Variants in KIF2A observed in about 807,000 individuals in gnomAD.
KIF2A encodes kinesin-like protein KIF2A.
KIF2A carries 22 observed loss-of-function variants against 100.2 expected under a neutral mutation model. That is an observed-to-expected ratio of 0.22 (90% CI 0.16 to 0.31). KIF2A has a LOEUF of 0.31. Among genes scored for constraint, KIF2A ranks in the 10% least tolerant of loss-of-function variants. The pLI is 1.00. For synonymous variants in KIF2A, 268 were observed against 285.9 expected (o/e 0.94, Z 0.63); for missense variants, 495 against 898.7 (o/e 0.55, Z 5.74).
intron 2 of KIF2A, 75 bp from the exon 3 acceptor site, chr5:62,347,973 T>A: frequency 6.7e-7 from 1 of 1,488,884 alleles, no homozygotes; most frequent in Non-Finnish European, 9.2e-7. Flanking sequence ...ATTTACTTCA[T>A]CAATTTACTT....
chr5:62,377,645 CTATTTT>C lies in KIF2A; in HGVS notation c.1912-9_1912-4del, dbSNP rs1451593608. 1 of 1,382,562 alleles carries C rather than the reference CTATTTT, an allele frequency of 7.2e-7. No individual in the cohort carries two copies. The highest frequency in any genetic ancestry group is 1.4e-5 in the South Asian group (1 of 72,940). The allele number at this position is 1,382,562 out of a possible 1,614,324, so 85.6% of individuals were successfully genotyped here. On this transcript the variant is annotated splice_polypyrimidine_tract_variant and intron_variant, in intron 18 of 20. Transcript: ENST00000407818. ...TACACACTATATCATAATTTCTTAA[CTATTTT>C]TATTTTAAGGAAGAAGAAGTCTCTC... is the stretch of plus-strand genomic sequence containing the variant.
At chr5:62,368,503 G>A (rs1053930746) in intron 16 of KIF2A, among the ~76,000 whole-genome samples, 7 of 152,064 alleles carry the variant, frequency 4.6e-5, no homozygotes, top group African/African-American at 9.7e-5. Flanking sequence ...AGGGCCAGGC[G>A]CGGTGGCTTA....
intron 16 of KIF2A, among the ~76,000 whole-genome samples, chr5:62,369,438 A>G (rs977332111): frequency 9.2e-5 from 14 of 152,220 alleles, no homozygotes; most frequent in Middle Eastern, 3.2e-3. Context: ...AGAACTCACT[A>G]TCACGAGAAC....
intron 19 of KIF2A, among the ~76,000 whole-genome samples, chr5:62,380,208 C>A (rs1741714079): frequency 6.6e-6 from 1 of 152,138 alleles, no homozygotes; most frequent in Non-Finnish European, 1.5e-5. Flanking sequence ...TTTATTATTA[C>A]CTCTTGGCCC....
rs1398039687 is a variant in KIF2A at position 62,361,271 on chromosome 5, T to C, written c.902T>C (p.Ile301Thr). Residue 301 changes from isoleucine to threonine, a missense_variant, in exon 10 of 21, where the codon ATA (isoleucine) becomes ACA (threonine). Around this residue, in one of 10 missense-constraint regions of KIF2A, gnomAD observed 109 missense variants for 244.2 expected, o/e 0.45. Coordinates refer to ENST00000407818, the MANE Select transcript of KIF2A (RefSeq NM_001098511.3). ...RFTARPLVET[I>T]FERGMATCFA... Reference sequence around the variant, plus strand: ...ACTGCTAGACCACTAGTGGAAACTATATTTGAAAGGGGAATGGCTACATGC... The same window carrying C: ...ACTGCTAGACCACTAGTGGAAACTACATTTGAAAGGGGAATGGCTACATGC... 3 of 1,606,636 alleles carry C rather than the reference T, an allele frequency of 1.9e-6. No individual in the cohort carries two copies. The highest frequency in any genetic ancestry group is 2.6e-6 in the Non-Finnish European group (3 of 1,175,750).
chr5:62,310,939 A>G (rs1046102623), intron 1 of KIF2A, among the ~76,000 whole-genome samples: 1 of 152,096 alleles, frequency 6.6e-6, no homozygotes, highest in African/African-American at 2.4e-5. Context: ...TGGGGAAGAA[A>G]TGGGAAATGT....
rs1747395323 is a variant in KIF2A at position 62,343,321 on chromosome 5, C to CTG, written c.65-3807_65-3806dup. On this transcript the variant is annotated intron_variant, in intron 1 of 20. Transcript: ENST00000407818. ...CACCTGCATCTCCTCTAATGCCCAT[C>CTG]TGTATTAGTAAAAGGCACCACTATT... is the stretch of plus-strand genomic sequence containing the variant. Among the ~76,000 whole-genome samples the CTG allele has an allele frequency of 2.6e-5, 4 of 152,140 alleles. No individual in the cohort carries two copies. In the South Asian group the frequency reaches 8.3e-4, roughly 31 times the overall value.
chr5:62,364,996 G>A (rs1740998956), intron 14 of KIF2A, among the ~76,000 whole-genome samples: 1 of 152,140 alleles, frequency 6.6e-6, no homozygotes, highest in South Asian at 2.1e-4. Flanking sequence ...GGGAGGCTGG[G>A]GTAGGAGAAT....
intron 7 of KIF2A, among the ~76,000 whole-genome samples, chr5:62,356,365 C>A (rs1288164072): frequency 1.3e-5 from 2 of 152,140 alleles, no homozygotes; most frequent in Non-Finnish European, 2.9e-5. Context: ...GCTATATGGT[C>A]TTTGTCACAA....
chr5:62,320,047 C>T (rs1203369198), intron 1 of KIF2A, among the ~76,000 whole-genome samples: 1 of 152,074 alleles, frequency 6.6e-6, no homozygotes, highest in Non-Finnish European at 1.5e-5. Flanking sequence ...GCTTATATAT[C>T]TCTATCTACA....
Position 62,390,011 on chromosome 5 carries a change from T to C in KIF2A, c.*4442T>C, listed in dbSNP as rs1742230550. Among the ~76,000 whole-genome samples, 1 of 152,226 alleles carries C rather than the reference T, an allele frequency of 6.6e-6. No homozygotes were observed. ...AGGATTAACATCTAAAATGACTCAGTAGTACTGCTAGCCAGCCAATAAAAT... is the reference window on the plus strand; with the variant it reads ...AGGATTAACATCTAAAATGACTCAGCAGTACTGCTAGCCAGCCAATAAAAT... On this transcript the variant is annotated 3_prime_UTR_variant, in exon 21 of 21. Coordinates refer to ENST00000407818, the MANE Select transcript of KIF2A (RefSeq NM_001098511.3).
At chr5:62,339,488 G>A (rs550567265) in intron 1 of KIF2A, among the ~76,000 whole-genome samples, 123 of 151,072 alleles carry the variant, frequency 8.1e-4, no homozygotes, top group African/African-American at 2.7e-3. Flanking sequence ...TCATGGCACC[G>A]AAGAGAAAAG....
At chr5:62,351,136 G>A (rs1163976277) in intron 4 of KIF2A, among the ~76,000 whole-genome samples, 2 of 152,060 alleles carry the variant, frequency 1.3e-5, no homozygotes, top group African/African-American at 4.8e-5. Context: ...GGAGGCTGAG[G>A]CAGGAGGATC....
In KIF2A at chr5:62,390,986, T is replaced by C. The variant is rs753406288; in HGVS notation, c.*5417T>C. 2 of 1,609,344 alleles carry C rather than the reference T, an allele frequency of 1.2e-6. No homozygotes were observed. The highest frequency in any genetic ancestry group is 1.7e-6 in the Non-Finnish European group (2 of 1,175,850). The stretch of plus-strand genomic sequence containing the variant: ...TGCTGAAATCTTCTGGTATTATCTA[T>C]CAATATAAGATTCAGAATAAATGAA... On this transcript the variant is annotated 3_prime_UTR_variant, in exon 21 of 21. Transcript: ENST00000407818.
chr5:62,370,101 T>C (rs1361025289), intron 16 of KIF2A, among the ~76,000 whole-genome samples: 2 of 152,218 alleles, frequency 1.3e-5, no homozygotes, highest in East Asian at 3.8e-4. Flanking sequence ...ATTGCTACTT[T>C]AGTGAGCAGT....
In KIF2A at chr5:62,306,423, G is replaced by T. The variant is rs1468028355; in HGVS notation, c.-50G>T. On this transcript the variant is annotated 5_prime_UTR_variant, in exon 1 of 21. Coordinates refer to ENST00000407818, the MANE Select transcript of KIF2A (RefSeq NM_001098511.3). ...ACCCCGCCCCCTCCCCGCCTTTTCC[G>T]CCCTCCGGTCCCCCTCCCTCGGCCC... 6 of 415,674 alleles carry T rather than the reference G, an allele frequency of 1.4e-5. No individual in the cohort carries two copies. Among genetic ancestry groups the T allele is most frequent in the Non-Finnish European group, 2.2e-5 (6 of 274,312 alleles). The allele number at this position is 415,674 out of a possible 1,614,324, so 25.7% of individuals were successfully genotyped here.
At position 62,352,687 on chromosome 5, in the gene KIF2A, C is replaced by T; in HGVS notation, c.434C>T (p.Ala145Val). 4 of 1,609,908 alleles carry T rather than the reference C, an allele frequency of 2.5e-6. No individual in the cohort carries two copies. Among genetic ancestry groups the T allele is most frequent in the Middle Eastern group, 1.7e-4 (1 of 6,042 alleles). ...TCAGATATATCTCCAGTTCAAGCTG[C>T]AAAAAAGGAATTTGGACCCCCTTGT... ...SVSDISPVQA[A>V]KKEFGPPSRR... is the part of the protein sequence containing the mutation. Residue 145 changes from alanine (A) to valine (V), a missense_variant, in exon 5 of 21, where the codon GCA becomes GTA. Transcript: ENST00000407818.
intron 1 of KIF2A, among the ~76,000 whole-genome samples, chr5:62,328,082 A>G (rs1017162010): frequency 1.3e-5 from 2 of 152,236 alleles, no homozygotes; most frequent in Non-Finnish European, 2.9e-5. Flanking sequence ...GTTCTTCAGA[A>G]TTTTGAACTA....
intron 3 of KIF2A, 138 bp downstream of exon 3, chr5:62,348,305 A>T (rs1173886409): frequency 1.4e-6 from 1 of 737,952 alleles, no homozygotes; most frequent in African/African-American, 1.8e-5. Context: ...TCATATTCAT[A>T]TATATACATA....
Sources: gnomAD v4.1 joint callset for allele counts (sites outside exome capture counted in the v4.1 genomes callset) on GRCh38, gnomAD v4.1.1 for gene constraint, gnomAD v4.1.1 regional missense constraint, MANE v1.5 for transcripts, NCBI Gene and HGNC (gene_info 2026-07-23, HGNC 2026-07-21) for gene names.